The following MACROD2 variants were observed in gnomAD, a reference collection of about 807,000 sequenced individuals.
MACROD2 encodes the protein ADP-ribose glycohydrolase MACROD2.
Under a neutral mutation model 70.4 loss-of-function variants are expected in MACROD2, and 36 were observed. The observed-to-expected ratio is 0.51, with a 90% confidence interval of 0.39 to 0.68. The LOEUF is 0.68. MACROD2 is among the 30% of genes least tolerant of loss of function. The probability of loss-of-function intolerance (pLI) is 0.00; values close to 1 mark genes in which losing one functional copy is unlikely to be tolerated. For synonymous variants in MACROD2, 172 were observed against 178.8 expected (o/e 0.96, Z 0.30); for missense variants, 496 against 538.4 (o/e 0.92, Z 0.78).
intron 3 of MACROD2, chr20:14,325,346 C>G: frequency 2.3e-6 from 1 of 436,348 alleles, no homozygotes; most frequent in Non-Finnish European, 4.0e-6. Context: ...GAATTGTGTT[C>G]AGGCATCTCC....
chr20:14,143,656 G>T (rs1208025765), intron 3 of MACROD2, among the ~76,000 whole-genome samples: 1 of 152,034 alleles, frequency 6.6e-6, no homozygotes, highest in East Asian at 1.9e-4. Flanking sequence ...GTGTATGTTG[G>T]TTCATACACT....
intron 3 of MACROD2, among the ~76,000 whole-genome samples, chr20:14,264,783 A>G (rs966217258): frequency 1.3e-5 from 2 of 152,218 alleles, no homozygotes; most frequent in African/African-American, 2.4e-5. Context: ...TAGGTCTAAA[A>G]TGGCAGGTAA....
chr20:15,448,270 G>C (rs547457477), intron 7 of MACROD2, among the ~76,000 whole-genome samples: 1 of 152,180 alleles, frequency 6.6e-6, no homozygotes, highest in East Asian at 1.9e-4. Flanking sequence ...GTCCTAGCAG[G>C]CATTTTCTCT....
intron 3 of MACROD2, among the ~76,000 whole-genome samples, chr20:14,261,534 C>T (rs2082100780): frequency 6.6e-6 from 1 of 152,020 alleles, no homozygotes; most frequent in Non-Finnish European, 1.5e-5. Flanking sequence ...GTTATCTACA[C>T]ATGTGTGTGT....
rs1368360807 is a variant in MACROD2, at chr20:15,493,981, G to C, written c.572-5793G>C. ...CACTTCTGTCTCTTTTATTTAAATT[G>C]TCTTGATGGTCTGCTGACAGAATTG... On this transcript the variant is annotated intron_variant, in intron 7 of 17. Coordinates refer to ENST00000684519, the MANE Select transcript of MACROD2 (RefSeq NM_001351661.2). 5.3e-5 allele frequency among the ~76,000 whole-genome samples: 8 copies of C among 152,182 alleles called. No homozygotes were observed. In the East Asian group the frequency reaches 1.5e-3, roughly 29 times the overall value.
intron 8 of MACROD2, among the ~76,000 whole-genome samples, chr20:15,698,665 C>T (rs6043458): frequency 0.063 from 9,536 of 152,180 alleles, 414 homozygotes; most frequent in East Asian, 0.21. Flanking sequence ...CCCCCAAATA[C>T]GTTTTCCAAG....
intron 8 of MACROD2, among the ~76,000 whole-genome samples, chr20:15,767,625 G>A (rs1315103873): frequency 6.6e-6 from 1 of 152,156 alleles, no homozygotes; most frequent in African/African-American, 2.4e-5. Flanking sequence ...CTGTTTTCTA[G>A]AGTATGAAGT....
At chr20:15,087,565 A>G (rs2123153247) in intron 5 of MACROD2, among the ~76,000 whole-genome samples, 1 of 152,154 alleles carries the variant, frequency 6.6e-6, no homozygotes, top group South Asian at 2.1e-4. Flanking sequence ...GAGATGGATT[A>G]AATACCTAAA....
At chr20:14,269,617 G>A (rs2082173451) in intron 3 of MACROD2, among the ~76,000 whole-genome samples, 1 of 151,984 alleles carries the variant, frequency 6.6e-6, no homozygotes, top group Non-Finnish European at 1.5e-5. Flanking sequence ...GGAAAATAAG[G>A]TGAAAAAACA....
intron 3 of MACROD2, among the ~76,000 whole-genome samples, chr20:14,238,622 T>C (rs2081899432): frequency 6.6e-6 from 1 of 152,162 alleles, no homozygotes; most frequent in Non-Finnish European, 1.5e-5. Flanking sequence ...AAACTATTCC[T>C]TTTTGCAGAC....
At chr20:14,140,140 T>C (rs917082729) in intron 3 of MACROD2, among the ~76,000 whole-genome samples, 8 of 152,144 alleles carry the variant, frequency 5.3e-5, no homozygotes, top group African/African-American at 1.9e-4. Flanking sequence ...GTTGATAAAA[T>C]ATTAAGTTTG....
intron 8 of MACROD2, among the ~76,000 whole-genome samples, chr20:15,832,306 A>C (rs2064065319): frequency 1.3e-5 from 2 of 152,098 alleles, no homozygotes; most frequent in African/African-American, 4.8e-5. Context: ...CTCTTTGGGG[A>C]TACTGTGATA....
chr20:14,510,358 A>G (rs2085016146), intron 4 of MACROD2, among the ~76,000 whole-genome samples: 1 of 152,034 alleles, frequency 6.6e-6, no homozygotes. Flanking sequence ...GTGATTAATA[A>G]AATGAGAAAA....
chr20:14,304,716 G>A (rs1285375085), intron 3 of MACROD2, among the ~76,000 whole-genome samples: 1 of 151,444 alleles, frequency 6.6e-6, no homozygotes, highest in South Asian at 2.1e-4. Flanking sequence ...ACCTCAGGCT[G>A]CTGAGAACTG....
At chr20:14,034,088 C>T (rs918655707) in intron 2 of MACROD2, among the ~76,000 whole-genome samples, 14 of 152,284 alleles carry the variant, frequency 9.2e-5, no homozygotes, top group African/African-American at 3.1e-4. Context: ...TCTCCTGCCT[C>T]AGCCTCCCGA....
chr20:14,372,659 C>T (rs939961817), intron 3 of MACROD2, among the ~76,000 whole-genome samples: 10 of 152,144 alleles, frequency 6.6e-5, no homozygotes, highest in African/African-American at 2.4e-4. Context: ...TTCCATCTCC[C>T]CATTCCTTTA....
At position 14,077,843 on chromosome 20, in the gene MACROD2, G is replaced by A. The variant is rs866617244; in HGVS notation, c.164-7778G>A. ...GTTTTATTTCTGTTAAAGCAACAAA[G>A]TTTTCTTGGAATATTGGTCTGTTCT... On this transcript the variant is annotated intron_variant, in intron 2 of 17. Transcript: ENST00000684519. Among the ~76,000 whole-genome samples, 40 of 148,908 alleles carry A rather than the reference G, an allele frequency of 2.7e-4. 1 individual carries two copies. In the Middle Eastern group the frequency reaches 0.028, roughly 104 times the overall value.
chr20:15,575,547 G>A (rs932046409), intron 8 of MACROD2, among the ~76,000 whole-genome samples: 2 of 152,124 alleles, frequency 1.3e-5, no homozygotes, highest in Non-Finnish European at 1.5e-5. Context: ...ACTTAGTTCT[G>A]GTTGGAGTGG....
intron 3 of MACROD2, among the ~76,000 whole-genome samples, chr20:14,414,264 G>A (rs1033124105): frequency 5.3e-5 from 8 of 152,010 alleles, no homozygotes; most frequent in Admixed American, 1.3e-4. Flanking sequence ...TCCTGTATTC[G>A]TCTCCATTTC....
Sources: gnomAD v4.1 joint callset for allele counts (sites outside exome capture counted in the v4.1 genomes callset) on GRCh38, gnomAD v4.1.1 for gene constraint, MANE v1.5 for transcripts, NCBI Gene and HGNC (gene_info 2026-07-23, HGNC 2026-07-21) for gene names.